CLOCK: variants seen among roughly 807,000 people sequenced by gnomAD.
The protein encoded by CLOCK is circadian locomoter output cycles protein kaput.
Under a neutral mutation model 118.4 loss-of-function variants are expected in CLOCK, and 43 were observed. That is an observed-to-expected ratio of 0.36 (90% CI 0.28 to 0.47). CLOCK has a LOEUF of 0.47. Ranked by LOEUF, CLOCK falls within the 20% of genes least tolerant of loss-of-function variation. The probability of loss-of-function intolerance (pLI) is 1.00; values close to 1 mark genes in which losing one functional copy is unlikely to be tolerated. For missense variants in CLOCK, 846 were observed against 999.9 expected, an observed-to-expected ratio of 0.85 and a Z score of 2.08; for synonymous variants, 326 against 339.2, an observed-to-expected ratio of 0.96 and a Z score of 0.43.
At chr4:55,533,528 A>G (rs1560483584) in intron 1 of CLOCK, among the ~76,000 whole-genome samples, 1 of 152,238 alleles carries the variant, frequency 6.6e-6, no homozygotes, top group Non-Finnish European at 1.5e-5. Flanking sequence ...TTAGATACAT[A>G]TTAGAATATT....
chr4:55,445,582 CTTT>C lies in CLOCK; in HGVS notation c.1540-800_1540-798del, dbSNP rs56157186. Among the ~76,000 whole-genome samples, 80 of 68,586 alleles carry C rather than the reference CTTT, an allele frequency of 1.2e-3. 1 individual carries two copies. Among genetic ancestry groups the C allele is most frequent in the South Asian group, 8.0e-3 (10 of 1,250 alleles). 45.0% of individuals were successfully genotyped at this position (68,586 alleles called of 152,430 possible). On this transcript the variant is annotated intron_variant, in intron 18 of 22. Transcript: ENST00000513440. ...TCTCTGCATCTGCTATTTCTATATT[CTTT>C]TTTTTTTTTTTTTTTTTTTTTTTGA...
At chr4:55,463,239 TAATA>T (rs1381642529) in intron 9 of CLOCK, among the ~76,000 whole-genome samples, 1 of 152,038 alleles carries the variant, frequency 6.6e-6, no homozygotes, top group Non-Finnish European at 1.5e-5. Flanking sequence ...TTTAATTGTT[TAATA>T]AAGTAGATAA....
intron 1 of CLOCK, among the ~76,000 whole-genome samples, chr4:55,539,263 A>C (rs998020457): frequency 2.0e-5 from 3 of 151,278 alleles, no homozygotes; most frequent in African/African-American, 7.3e-5. Flanking sequence ...AACAAAAAAA[A>C]CACCAAAAAC....
rs2109586559 is a variant in CLOCK, at chr4:55,429,666, A to G, written c.*5749T>C. 6.6e-6 allele frequency: 1 copy of G among 152,378 alleles called. No individual in the cohort carries two copies. Among genetic ancestry groups the G allele is most frequent in the South Asian group, 2.1e-4 (1 of 4,828 alleles). 9.4% of individuals were successfully genotyped at this position (152,378 alleles called of 1,614,324 possible). On this transcript the variant is annotated 3_prime_UTR_variant, in exon 23 of 23. Transcript: ENST00000513440. The stretch of plus-strand genomic sequence containing the variant: ...TTTACTAACATTTCCCCAAATGGGC[A>G]AAATAGAGGCATCATGTGCCATTGG...
At chr4:55,453,246 T>C (rs1434270434) in intron 14 of CLOCK, 117 bp from the exon 15 acceptor site, 10 of 856,720 alleles carry the variant, frequency 1.2e-5, no homozygotes, top group Non-Finnish European at 1.9e-5. Flanking sequence ...CTATTTGCTA[T>C]GTGCTACACA....
At chr4:55,454,348 C>T (rs1724736447) in intron 13 of CLOCK, among the ~76,000 whole-genome samples, 1 of 152,036 alleles carries the variant, frequency 6.6e-6, no homozygotes, top group Non-Finnish European at 1.5e-5. Flanking sequence ...GGTGTGGTGG[C>T]TCACGCCTGT....
chr4:55,512,207 T>C (rs1006614101), intron 1 of CLOCK, among the ~76,000 whole-genome samples: 13 of 152,254 alleles, frequency 8.5e-5, no homozygotes, highest in African/African-American at 3.1e-4. Flanking sequence ...TAACCAGCAA[T>C]GAATGAGAGT....
intron 3 of CLOCK, among the ~76,000 whole-genome samples, chr4:55,485,128 CTAA>C (rs1727214173): frequency 1.3e-5 from 2 of 151,960 alleles, no homozygotes; most frequent in Non-Finnish European, 2.9e-5. Flanking sequence ...CACAAGCCAG[CTAA>C]TTTATCTATT....
intron 8 of CLOCK, among the ~76,000 whole-genome samples, chr4:55,464,872 AG>A (rs1725626588): frequency 6.6e-6 from 1 of 152,118 alleles, no homozygotes; most frequent in Non-Finnish European, 1.5e-5. Flanking sequence ...TTCTTCATAT[AG>A]GCCACACATT....
chr4:55,498,500 A>T (rs528967784), intron 2 of CLOCK, among the ~76,000 whole-genome samples: 2 of 152,220 alleles, frequency 1.3e-5, no homozygotes, highest in South Asian at 4.2e-4. Context: ...TTGAACTAGA[A>T]GATTTTGCAA....
At position 55,459,020 on chromosome 4, in the gene CLOCK, T is replaced by C. The variant is rs188447644; in HGVS notation, c.674-10A>G. On this transcript the variant is annotated splice_polypyrimidine_tract_variant and intron_variant, in intron 10 of 22. Transcript: ENST00000513440. The stretch of plus-strand genomic sequence containing the variant: ...TGTGCTGAAGAGGATACTAAAACAA[T>C]AGGGAAATATGTATCATCAGTTATG... 2,633 of 1,594,972 alleles carry C rather than the reference T, an allele frequency of 1.7e-3. 13 individuals are homozygous for C. In the Middle Eastern group the frequency reaches 0.022, roughly 14 times the overall value.
At position 55,449,342 on chromosome 4, in the gene CLOCK, T is replaced by A. The variant is rs193117515; in HGVS notation, c.1449+54A>T. On this transcript the variant is annotated intron_variant, in intron 17 of 22. Coordinates refer to ENST00000513440, the MANE Select transcript of CLOCK (RefSeq NM_004898.4). ...GATGAATTTCTGAAGATTTAGATCA[T>A]TTTTCCCCTCTTAATAAATCTTTAT... 1,744 of 1,454,950 alleles carry A rather than the reference T, an allele frequency of 1.2e-3. 21 individuals carry two copies. In the East Asian group the frequency reaches 0.02, roughly 17 times the overall value. 90.1% of individuals were successfully genotyped at this position (1,454,950 alleles called of 1,614,324 possible).
At chr4:55,444,916 A>AC in intron 18 of CLOCK, 131 bp from the exon 19 acceptor site, 1 of 926,502 alleles carries the variant, frequency 1.1e-6, no homozygotes, top group Non-Finnish European at 1.7e-6. Context: ...TATGTCCCTT[A>AC]GTTTCTAATC....
At chr4:55,464,895 TTC>T (rs1320051001) in intron 8 of CLOCK, among the ~76,000 whole-genome samples, 2 of 152,178 alleles carry the variant, frequency 1.3e-5, no homozygotes, top group African/African-American at 4.8e-5. Flanking sequence ...CCATCATTTC[TTC>T]TGTCTTTTCT....
chr4:55,458,187 A>AG (rs1725047443), intron 11 of CLOCK, among the ~76,000 whole-genome samples: 2 of 152,144 alleles, frequency 1.3e-5, no homozygotes. Flanking sequence ...CAGCCTCCTG[A>AG]GTAACTGAGA....
intron 2 of CLOCK, among the ~76,000 whole-genome samples, chr4:55,497,565 G>T (rs1728161933): frequency 6.6e-6 from 1 of 152,142 alleles, no homozygotes; most frequent in Admixed American, 6.6e-5. Flanking sequence ...AGGATAATTT[G>T]ATCTATTAAT....
intron 3 of CLOCK, among the ~76,000 whole-genome samples, chr4:55,485,020 G>C (rs1560450312): frequency 6.6e-6 from 1 of 152,070 alleles, no homozygotes; most frequent in Non-Finnish European, 1.5e-5. Context: ...CTGGAGTGCA[G>C]TGGCACGATC....
At chr4:55,494,962 T>A (rs1727958815) in intron 2 of CLOCK, among the ~76,000 whole-genome samples, 3 of 152,204 alleles carry the variant, frequency 2.0e-5, no homozygotes. Flanking sequence ...ATTAAGTTTG[T>A]GGTTATTTGT....
chr4:55,518,962 G>GC (rs1036663944), intron 1 of CLOCK, among the ~76,000 whole-genome samples: 1 of 151,976 alleles, frequency 6.6e-6, no homozygotes, highest in Non-Finnish European at 1.5e-5. Flanking sequence ...CTTATATTCT[G>GC]CCCCCCACCC....
Sources: allele counts gnomAD v4.1 joint callset (sites outside exome capture counted in the v4.1 genomes callset), GRCh38; gene constraint gnomAD v4.1.1; transcripts MANE v1.5; gene names NCBI Gene and HGNC (gene_info 2026-07-23, HGNC 2026-07-21).